PITRM1: variants seen among roughly 807,000 people sequenced by gnomAD.
PITRM1 encodes presequence protease, mitochondrial.
PITRM1 carries 100 observed loss-of-function variants against 129.9 expected under a neutral mutation model. The observed-to-expected ratio is 0.77, with a 90% CI of 0.65 to 0.91. The LOEUF (loss-of-function observed/expected upper bound fraction) is 0.91, where lower values mean the gene tolerates loss of function less well. Ranked by LOEUF, PITRM1 falls within the 40% of genes least tolerant of loss-of-function variation. The pLI is 0.00. For synonymous variants in PITRM1, 591 were observed against 508.8 expected, an observed-to-expected ratio of 1.16 and a Z score of -2.17; for missense variants, 1,471 against 1,318.3, an observed-to-expected ratio of 1.12 and a Z score of -1.79.
intron 7 of PITRM1, 190 bp downstream of exon 7, chr10:3,163,534 AG>A (rs1258874193): frequency 8.2e-6 from 4 of 488,502 alleles, no homozygotes; most frequent in African/African-American, 2.0e-5. Flanking sequence ...GAGCCTCCTG[AG>A]GGCTATCATT....
chr10:3,140,178 T>G (rs1311447354), intron 24 of PITRM1, among the ~76,000 whole-genome samples: 4 of 152,206 alleles, frequency 2.6e-5, no homozygotes, highest in African/African-American at 9.7e-5. Flanking sequence ...GGGCTACTAT[T>G]AAGTAAAACA....
intron 18 of PITRM1, 124 bp downstream of exon 18, chr10:3,147,863 C>A: frequency 8.5e-7 from 1 of 1,175,396 alleles, no homozygotes; most frequent in Non-Finnish European, 1.2e-6. Flanking sequence ...TCCATATGAA[C>A]TACAAGTAAA....
rs112316136 is a variant in PITRM1, at chr10:3,168,155, C to A, written c.160-1113G>T. Among the ~76,000 whole-genome samples, 728 of 152,206 alleles carry A rather than the reference C, an allele frequency of 4.8e-3. 6 individuals carry two copies. Among genetic ancestry groups the A allele is most frequent in the African/African-American group, 0.017 (688 of 41,516 alleles). On this transcript the variant is annotated intron_variant, in intron 2 of 26. Transcript: ENST00000224949. Reference sequence around the variant, plus strand: ...CCAAGCGCACACAGTAAGTCGCTGGCCAAGGTCAGACCTCGGGTCTCCTCA... The same window carrying A: ...CCAAGCGCACACAGTAAGTCGCTGGACAAGGTCAGACCTCGGGTCTCCTCA...
intron 16 of PITRM1, chr10:3,148,586 A>G: frequency 3.0e-6 from 1 of 335,910 alleles, no homozygotes; most frequent in Non-Finnish European, 5.5e-6. Context: ...TAAAATAGGC[A>G]TTTCCAGTTG....
chr10:3,158,528 C>T (rs1842161781), intron 10 of PITRM1, among the ~76,000 whole-genome samples: 1 of 151,996 alleles, frequency 6.6e-6, no homozygotes, highest in Admixed American at 6.6e-5. Context: ...CCAGCCTGGG[C>T]GACAGGGAGA....
chr10:3,153,048 C>A (rs1461449312), intron 14 of PITRM1, among the ~76,000 whole-genome samples: 4 of 152,242 alleles, frequency 2.6e-5, no homozygotes, highest in Non-Finnish European at 5.9e-5. Context: ...TTGTTCTCTA[C>A]AGATTGGCTT....
chr10:3,170,122 A>G lies in PITRM1; in HGVS notation c.141T>C (p.His47=), dbSNP rs748563157. Residue 47 remains histidine (H), a synonymous_variant, in exon 2 of 27, where the codon CAT becomes CAC. Coordinates refer to ENST00000224949, the MANE Select transcript of PITRM1 (RefSeq NM_014889.4). ...CCCATACCTGGTTTACGGTGAATCC[A>G]TGGATCTTGTCTCCTAGTTTATACT... The part of the protein sequence containing the change: ...ALQYKLGDKI[H]GFTVNQVTSV... 1.1e-5 allele frequency: 18 copies of G among 1,613,508 alleles called. No individual in the cohort carries two copies. The highest frequency in any genetic ancestry group is 1.5e-5 in the Non-Finnish European group (18 of 1,179,432).
At chr10:3,156,165 A>C (rs763918833) in intron 13 of PITRM1, among the ~76,000 whole-genome samples, 1 of 152,242 alleles carries the variant, frequency 6.6e-6, no homozygotes, top group Non-Finnish European at 1.5e-5. Flanking sequence ...CTAGAACTAC[A>C]TTTCCCATTC....
Position 3,170,103 on chromosome 10 carries a change from C to G in PITRM1, c.159+1G>C, listed in dbSNP as rs1340795765. 2.5e-6 allele frequency: 4 copies of G among 1,609,214 alleles called. No individual in the cohort carries two copies. Among genetic ancestry groups the G allele is most frequent in the Non-Finnish European group, 3.4e-6 (4 of 1,175,576 alleles). ...AAGGAGGTGCCGAGGACGACCCATACCTGGTTTACGGTGAATCCATGGATC... is the reference window on the plus strand; with the variant it reads ...AAGGAGGTGCCGAGGACGACCCATAGCTGGTTTACGGTGAATCCATGGATC... On this transcript the variant is annotated splice_donor_variant, in intron 2 of 26. Transcript: ENST00000224949. LOFTEE classifies it high-confidence loss of function.
At chr10:3,164,909 C>T (rs1016454080) in intron 6 of PITRM1, among the ~76,000 whole-genome samples, 1 of 152,204 alleles carries the variant, frequency 6.6e-6, no homozygotes, top group East Asian at 1.9e-4. Flanking sequence ...CACACCTTGC[C>T]ATGCAGCCTC....
Position 3,156,465 on chromosome 10 carries a change from C to T in PITRM1, c.1482+465G>A, listed in dbSNP as rs529229862. Among the ~76,000 whole-genome samples the T allele has an allele frequency of 3.3e-5, 5 of 152,330 alleles. No homozygotes were observed. The South Asian group carries it at 1.0e-3, about 32-fold the overall frequency. On this transcript the variant is annotated intron_variant, in intron 13 of 26. Coordinates refer to ENST00000224949, the MANE Select transcript of PITRM1 (RefSeq NM_014889.4). ...TTCCCTTCACAGCAGACAACAGTCT[C>T]TCCCACCACGGGAACCCTTTTTAAA...
rs1840183639 is a variant in PITRM1, at chr10:3,141,395, G to C, written c.2646-583C>G. On this transcript the variant is annotated intron_variant, in intron 23 of 26. Transcript: ENST00000224949. ...GGCATTTTTAAAATCTCGTGAAGTA[G>C]AAAGAGGTTATTTCTATTATAAAGG... 2.8e-5 allele frequency: 6 copies of C among 211,040 alleles called. No individual in the cohort carries two copies. The South Asian group carries it at 3.9e-4, about 14-fold the overall frequency. 13.1% of individuals were successfully genotyped at this position (211,040 alleles called of 1,614,324 possible). A position where few individuals can be genotyped will look rare whatever the true frequency, so the allele number is the denominator to read the frequency against.
At chr10:3,168,755 CTG>C (rs1324582887) in intron 2 of PITRM1, among the ~76,000 whole-genome samples, 1 of 152,204 alleles carries the variant, frequency 6.6e-6, no homozygotes, top group Non-Finnish European at 1.5e-5. Flanking sequence ...CCATGCAGAA[CTG>C]TGAGTCAATT....
chr10:3,171,209 T>C (rs1417084454), intron 1 of PITRM1, among the ~76,000 whole-genome samples: 1 of 101,692 alleles, frequency 9.8e-6, no homozygotes, highest in African/African-American at 3.8e-5. Flanking sequence ...GGGCCTACAG[T>C]GGCATGTAAC....
At chr10:3,148,590 C>T in intron 16 of PITRM1, 1 of 330,296 alleles carries the variant, frequency 3.0e-6, no homozygotes, top group Non-Finnish European at 5.6e-6. Flanking sequence ...ATAGGCATTT[C>T]CAGTTGTAAG....
rs750019508 is a variant in PITRM1 at position 3,138,464 on chromosome 10, G to A, written c.2918-127C>T. 407 of 704,984 alleles carry A rather than the reference G, an allele frequency of 5.8e-4. 1 individual carries two copies. Among genetic ancestry groups the A allele is most frequent in the South Asian group, 8.4e-4 (52 of 61,656 alleles). The allele number at this position is 704,984 out of a possible 1,614,324, so 43.7% of individuals were successfully genotyped here. A position where few individuals can be genotyped will look rare whatever the true frequency, so the allele number is the denominator to read the frequency against. ...TTCACGTGCATGTTTCAACCACAGG[G>A]ATGTGTCTAACAACCCAGAGATCAC... On this transcript the variant is annotated intron_variant, in intron 25 of 26. Transcript: ENST00000224949.
At chr10:3,138,369 G>A (rs767312236) in intron 25 of PITRM1, 32 bp from the exon 26 acceptor site, 21 of 1,490,504 alleles carry the variant, frequency 1.4e-5, no homozygotes, top group East Asian at 4.5e-5. Flanking sequence ...CGATGGAGCC[G>A]CTGCCCGGGA....
chr10:3,141,590 A>C (rs1416598007), intron 23 of PITRM1: 2 of 440,912 alleles, frequency 4.5e-6, no homozygotes, highest in Admixed American at 2.6e-5. Context: ...CGGTAACATC[A>C]CATTCAAGCT....
chr10:3,159,128 C>T, intron 9 of PITRM1, 86 bp from the exon 10 acceptor site: 5 of 1,122,920 alleles, frequency 4.5e-6, no homozygotes, highest in Non-Finnish European at 6.3e-6. Flanking sequence ...TTTAAAACCA[C>T]TACACATCTT....
Sources: allele counts gnomAD v4.1 joint callset (sites outside exome capture counted in the v4.1 genomes callset), GRCh38; gene constraint gnomAD v4.1.1; transcripts MANE v1.5; gene names NCBI Gene and HGNC (gene_info 2026-07-23, HGNC 2026-07-21).